The following NUDT14 variants were observed in gnomAD, a reference collection of about 807,000 sequenced individuals.
NUDT14 encodes the protein nudix hydrolase 14, also known as uridine diphosphate glucose pyrophosphatase NUDT14.
In NUDT14, 22 loss-of-function variants were observed where a neutral mutation model predicts 17.5. The observed-to-expected ratio is 1.26, with a 90% confidence interval of 0.90 to 1.80. NUDT14 has a LOEUF of 1.80. Ranked by LOEUF, NUDT14 falls within the 40% of genes most tolerant of loss-of-function variation. The pLI, the probability that NUDT14 is intolerant of heterozygous loss-of-function variation, is 0.00. For synonymous variants in NUDT14, 129 were observed against 125.8 expected (o/e 1.03, Z -0.17); for missense variants, 296 against 295.6 (o/e 1.00, Z -0.01).
chr14:105,177,577 C>T, intron 2 of NUDT14, 115 bp downstream of exon 2: 1 of 949,988 alleles, frequency 1.1e-6, no homozygotes, highest in Non-Finnish European at 1.6e-6. Flanking sequence ...ACTTTTGGAG[C>T]CCACGCAGGG....
At chr14:105,179,907 C>T (rs1595202127) in intron 1 of NUDT14, among the ~76,000 whole-genome samples, 1 of 152,120 alleles carries the variant, frequency 6.6e-6, no homozygotes, top group East Asian at 1.9e-4. Context: ...ATGGGGGGGA[C>T]AGGATGCCCC....
chr14:105,177,261 G>A (rs111431016), intron 2 of NUDT14: 15 of 641,796 alleles, frequency 2.3e-5, no homozygotes, highest in East Asian at 1.7e-4. Context: ...GATGGGAGGC[G>A]GGGGGCAGGG....
chr14:105,179,818 G>A (rs1331129310), intron 1 of NUDT14, among the ~76,000 whole-genome samples: 2 of 152,242 alleles, frequency 1.3e-5, no homozygotes, highest in Non-Finnish European at 2.9e-5. Flanking sequence ...AACAGGGAAA[G>A]TGAGGGGCAC....
In NUDT14 at chr14:105,173,042, G is replaced by A. The variant is rs374061264; in HGVS notation, c.648C>T (p.Ala216=). ...FGVSWFLSQV[A]PNLDLQ ...AGTCTCACTGGAGATCCAGGTTGGGGGCCACCTGGCTGAGGAACCATGAGA... is the reference window on the plus strand; with the variant it reads ...AGTCTCACTGGAGATCCAGGTTGGGAGCCACCTGGCTGAGGAACCATGAGA... Residue 216 remains alanine, a synonymous_variant, in exon 5 of 5, where the codon GCC becomes GCT. Transcript: ENST00000392568. The surrounding 1 kb of genome is among the most constrained non-coding windows in gnomAD (Gnocchi z 4.7). 62 of 1,514,546 alleles carry A rather than the reference G, an allele frequency of 4.1e-5. No homozygotes were observed. Among genetic ancestry groups the A allele is most frequent in the African/African-American group, 1.1e-4 (8 of 71,582 alleles). The allele number at this position is 1,514,546 out of a possible 1,614,324, so 93.8% of individuals were successfully genotyped here.
intron 1 of NUDT14, among the ~76,000 whole-genome samples, chr14:105,178,627 G>T (rs1397718977): frequency 6.6e-6 from 1 of 152,148 alleles, no homozygotes; most frequent in Non-Finnish European, 1.5e-5. Context: ...TCTCCGGCAC[G>T]CTCAGCCCAT....
chr14:105,176,602 G>C lies in NUDT14; in HGVS notation c.360C>G (p.Cys120Trp). ...AGCCACACTCCTCCCAAGCCTCCTT[G>C]CAAGCCACTTCCTCCAGCGAGAGCC... ...QPGLSLEEVA[C>W]KEAWEECGYH... is the part of the protein sequence containing the mutation. Residue 120 changes from cysteine to tryptophan, a missense_variant, in exon 4 of 5, where the codon TGC becomes TGG. By Grantham distance (215) the Cys-to-Trp change is radical. Transcript: ENST00000392568. 1.9e-6 allele frequency: 3 copies of C among 1,612,728 alleles called. No homozygotes were observed.
chr14:105,179,910 G>A (rs943634307), intron 1 of NUDT14, among the ~76,000 whole-genome samples: 5 of 152,200 alleles, frequency 3.3e-5, no homozygotes, highest in Admixed American at 2.0e-4. Context: ...GGGGGGACAG[G>A]ATGCCCCCTG....
At chr14:105,178,299 C>T (rs587602601) in intron 1 of NUDT14, among the ~76,000 whole-genome samples, 16 of 152,188 alleles carry the variant, frequency 1.1e-4, no homozygotes, top group African/African-American at 3.1e-4. Flanking sequence ...GGTAGGAGAT[C>T]GCACTGCAGG....
intron 1 of NUDT14, 112 bp from the exon 2 acceptor site, chr14:105,177,847 T>C (rs1595200911): frequency 3.0e-6 from 3 of 1,006,484 alleles, no homozygotes; most frequent in Non-Finnish European, 4.5e-6. Flanking sequence ...GATCGGCTCG[T>C]GGCCTGGGCC....
At chr14:105,174,538 C>T (rs929764772) in intron 4 of NUDT14, among the ~76,000 whole-genome samples, 6 of 152,132 alleles carry the variant, frequency 3.9e-5, no homozygotes, top group East Asian at 1.9e-4. Flanking sequence ...TCCCCACCTC[C>T]GGGGGGACTC....
intron 4 of NUDT14, 178 bp downstream of exon 4, chr14:105,176,356 A>G: frequency 3.2e-6 from 2 of 632,364 alleles, no homozygotes; most frequent in East Asian, 5.5e-5. Context: ...AGAGAGCCCC[A>G]AGAGCCCAGA....
rs1206294806 is a variant in NUDT14, at chr14:105,181,211, G to A, written c.-2C>T. The A allele has an allele frequency of 8.7e-7, 1 of 1,145,560 alleles. No homozygotes were observed. Among genetic ancestry groups the A allele is most frequent in the South Asian group, 2.8e-5 (1 of 36,096 alleles). The allele number at this position is 1,145,560 out of a possible 1,614,324, so 71.0% of individuals were successfully genotyped here. ...GGACGCCCCCTCGATGCGCTCCATG[G>A]CGGCGCCCGGACAGGCGGGGGCCGC... On this transcript the variant is annotated 5_prime_UTR_variant, in exon 1 of 5. Transcript: ENST00000392568. This position sits in a 1 kb window ranked among gnomAD's most constrained non-coding sequence, Gnocchi z 5.0.
At chr14:105,180,586 GA>G (rs1186131040) in intron 1 of NUDT14, among the ~76,000 whole-genome samples, 1 of 152,112 alleles carries the variant, frequency 6.6e-6, no homozygotes, top group Non-Finnish European at 1.5e-5. Context: ...AGGAGGTGGG[GA>G]AGGCTGAGCT....
chr14:105,174,795 C>T (rs1166176698), intron 4 of NUDT14, among the ~76,000 whole-genome samples: 2 of 152,196 alleles, frequency 1.3e-5, no homozygotes, highest in Non-Finnish European at 2.9e-5. Flanking sequence ...CACGTTCCAA[C>T]TTCACTCCAT....
chr14:105,175,639 A>T (rs1431868451), intron 4 of NUDT14: 2 of 836,440 alleles, frequency 2.4e-6, no homozygotes, highest in South Asian at 1.1e-4. Flanking sequence ...ACCTCAGGTG[A>T]TCCGCCTGCC....
chr14:105,177,884 G>A (rs1459560425), intron 1 of NUDT14, 149 bp from the exon 2 acceptor site: 8 of 658,798 alleles, frequency 1.2e-5, no homozygotes, highest in South Asian at 7.1e-5. Flanking sequence ...TGCAGCTCCC[G>A]TGGGCAGAGG....
In NUDT14 at chr14:105,173,870, C is replaced by T. The variant is rs924127248; in HGVS notation, c.429-609G>A. Among the ~76,000 whole-genome samples, 6 of 151,898 alleles carry T rather than the reference C, an allele frequency of 4.0e-5. No individual in the cohort carries two copies. The highest frequency in any genetic ancestry group is 8.8e-5 in the Non-Finnish European group (6 of 67,986). On this transcript the variant is annotated intron_variant, in intron 4 of 4. Coordinates refer to ENST00000392568, the MANE Select transcript of NUDT14 (RefSeq NM_177533.5). The surrounding 1 kb of genome is among the most constrained non-coding windows in gnomAD (Gnocchi z 4.7). ...CAACCAGATACCCTGAGGCTGTTCC[C>T]AGTGCTGTTTGGAGCCCCTCAGTCT...
chr14:105,181,203 G>T lies in NUDT14; in HGVS notation c.7C>A (p.Arg3Ser). ME[R>S]IEGASVGRCA... is the part of the protein sequence containing the mutation. ...CGGCCCACGGACGCCCCCTCGATGC[G>T]CTCCATGGCGGCGCCCGGACAGGCG... The change falls in exon 1 of 5, where the codon CGC becomes AGC. Residue 3 changes from arginine (R) to serine (S), a missense_variant. Physicochemically the swap from Arg to Ser is moderately radical, Grantham distance 110. Coordinates refer to ENST00000392568, the MANE Select transcript of NUDT14 (RefSeq NM_177533.5). The surrounding 1 kb of genome is among the most constrained non-coding windows in gnomAD (Gnocchi z 5.0). The T allele has an allele frequency of 1.7e-6, 2 of 1,157,238 alleles. No homozygotes were observed. The highest frequency in any genetic ancestry group is 1.1e-6 in the Non-Finnish European group (1 of 936,134). 71.7% of individuals were successfully genotyped at this position (1,157,238 alleles called of 1,614,324 possible).
intron 4 of NUDT14, chr14:105,175,690 G>A (rs997385254): frequency 3.0e-5 from 30 of 995,842 alleles, no homozygotes; most frequent in East Asian, 1.1e-4. Flanking sequence ...GTGAGCCACC[G>A]TGCCTGGCCC....
Sources: gnomAD v4.1 joint callset for allele counts (sites outside exome capture counted in the v4.1 genomes callset) on GRCh38, gnomAD v4.1.1 for gene constraint, Gnocchi (gnomAD v3.1) non-coding constraint, MANE v1.5 for transcripts, NCBI Gene and HGNC (gene_info 2026-07-23, HGNC 2026-07-21) for gene names.